MYO10: variants seen among roughly 807,000 people sequenced by gnomAD.
MYO10 encodes the protein myosin X.
Under a neutral mutation model 257.3 loss-of-function variants are expected in MYO10, and 133 were observed. The ratio of observed to expected loss-of-function variants is 0.52; its 90% confidence interval spans 0.45 to 0.60. The LOEUF is 0.60. Among genes scored for constraint, MYO10 ranks in the 20% least tolerant of loss-of-function variants. The pLI is 0.00. For synonymous variants in MYO10, 1,104 were observed against 1,028.6 expected, an observed-to-expected ratio of 1.07 and a Z score of -1.40; for missense variants, 2,399 against 2,635.7, an observed-to-expected ratio of 0.91 and a Z score of 1.97.
At chr5:16,889,598 A>T (rs1357024957) in intron 1 of MYO10, among the ~76,000 whole-genome samples, 1 of 151,714 alleles carries the variant, frequency 6.6e-6, no homozygotes, top group Non-Finnish European at 1.5e-5. Flanking sequence ...GCCAAGAAAG[A>T]CAAGTAAGTA....
At chr5:16,798,376 T>C (rs570150467) in intron 3 of MYO10, among the ~76,000 whole-genome samples, 4 of 152,346 alleles carry the variant, frequency 2.6e-5, no homozygotes, top group East Asian at 3.9e-4. Flanking sequence ...CTGGTGCTTT[T>C]ATGAGTAAAT....
intron 1 of MYO10, among the ~76,000 whole-genome samples, chr5:16,924,292 C>T (rs899921259): frequency 1.3e-5 from 2 of 152,114 alleles, no homozygotes; most frequent in African/African-American, 2.4e-5. Context: ...TCCTGGTTCA[C>T]AGAAGACCTA....
Position 16,776,989 on chromosome 5 carries a change from C to CT in MYO10, c.930+2555dup, listed in dbSNP as rs367587993. ...AATAGGAAAAAAGCCAGAGACAAGT[C>CT]TTTTTTTTTTGCCCTGCTCCTCAAA... On this transcript the variant is annotated intron_variant, in intron 9 of 40. Coordinates refer to ENST00000513610, the MANE Select transcript of MYO10 (RefSeq NM_012334.3). 7.4e-3 allele frequency among the ~76,000 whole-genome samples: 1,094 copies of CT among 147,972 alleles called. 11 individuals are homozygous for CT. Among genetic ancestry groups the CT allele is most frequent in the African/African-American group, 0.025 (1,027 of 40,444 alleles).
At position 16,683,944 on chromosome 5, in the gene MYO10, GAACA is replaced by G. The variant is rs781625811; in HGVS notation, c.3991-13_3991-10del. 1.2e-6 allele frequency: 2 copies of G among 1,612,588 alleles called. No individual in the cohort carries two copies. The highest frequency in any genetic ancestry group is 1.7e-6 in the Non-Finnish European group (2 of 1,179,320). Reference sequence around the variant, plus strand: ...CCCACATCCAAGGTGCCCTGGAAAAGAACAAAAAGTAAACAGAATGAGAGAAGCA... The same window carrying G: ...CCCACATCCAAGGTGCCCTGGAAAAGAAAAGTAAACAGAATGAGAGAAGCA... On this transcript the variant is annotated splice_polypyrimidine_tract_variant and intron_variant, in intron 29 of 40. Coordinates refer to ENST00000513610, the MANE Select transcript of MYO10 (RefSeq NM_012334.3).
At chr5:16,815,596 C>A in intron 3 of MYO10, 1 of 618,772 alleles carries the variant, frequency 1.6e-6, no homozygotes. Context: ...TGGCAGTGTC[C>A]TTGGTTCCAG....
chr5:16,821,951 G>A (rs1234784044), intron 2 of MYO10, among the ~76,000 whole-genome samples: 1 of 149,564 alleles, frequency 6.7e-6, no homozygotes, highest in Non-Finnish European at 1.5e-5. Flanking sequence ...TCAAGATACA[G>A]GATTGCAGCT....
At chr5:16,836,541 T>C (rs1743318234) in intron 2 of MYO10, among the ~76,000 whole-genome samples, 2 of 152,222 alleles carry the variant, frequency 1.3e-5, no homozygotes, top group African/African-American at 4.8e-5. Flanking sequence ...GATGAAAATA[T>C]GACGGACATG....
At chr5:16,682,605 T>C (rs1411399969) in intron 30 of MYO10, among the ~76,000 whole-genome samples, 1 of 152,168 alleles carries the variant, frequency 6.6e-6, no homozygotes, top group Admixed American at 6.5e-5. Context: ...ACCTCTCTCA[T>C]AGGCCCTTGC....
chr5:16,827,307 A>T (rs1743029725), intron 2 of MYO10, among the ~76,000 whole-genome samples: 1 of 152,022 alleles, frequency 6.6e-6, no homozygotes, highest in Admixed American at 6.6e-5. Context: ...TTTTTTGGAG[A>T]CGGAGTCTCA....
At chr5:16,801,553 ACT>A (rs1435024379) in intron 3 of MYO10, among the ~76,000 whole-genome samples, 1 of 151,776 alleles carries the variant, frequency 6.6e-6, no homozygotes, top group Non-Finnish European at 1.5e-5. Flanking sequence ...TTCCAACATG[ACT>A]CTGTAAGAAT....
intron 1 of MYO10, among the ~76,000 whole-genome samples, chr5:16,932,263 G>A (rs144028342): frequency 5.9e-5 from 9 of 152,074 alleles, no homozygotes; most frequent in East Asian, 1.9e-4. Flanking sequence ...ATAATCCTCC[G>A]AGATCTTGTA....
chr5:16,699,416 C>T (rs766271692), intron 26 of MYO10, 34 bp downstream of exon 26: 1 of 1,609,248 alleles, frequency 6.2e-7, no homozygotes, highest in Admixed American at 1.7e-5. Flanking sequence ...TCGCTCTCCC[C>T]CTAACCCAGA....
At chr5:16,873,305 G>A (rs1489855868) in intron 2 of MYO10, among the ~76,000 whole-genome samples, 1 of 152,212 alleles carries the variant, frequency 6.6e-6, no homozygotes, top group Non-Finnish European at 1.5e-5. Context: ...TTGACTCCAG[G>A]TCTCACATCC....
chr5:16,923,863 A>C (rs981009137), intron 1 of MYO10, among the ~76,000 whole-genome samples: 20 of 152,228 alleles, frequency 1.3e-4, no homozygotes, highest in Non-Finnish European at 2.9e-5. Context: ...GCCAAAGGGG[A>C]AGAATCCCTT....
intron 9 of MYO10, among the ~76,000 whole-genome samples, chr5:16,770,867 C>G (rs992485109): frequency 1.3e-5 from 2 of 152,222 alleles, no homozygotes; most frequent in Non-Finnish European, 2.9e-5. Flanking sequence ...CTCCCAGGTT[C>G]AAGCGATTCT....
In MYO10 at chr5:16,779,536, G is replaced by C. The variant is rs761257375; in HGVS notation, c.930+9C>G. 4 of 1,493,976 alleles carry C rather than the reference G, an allele frequency of 2.7e-6. No homozygotes were observed. Among genetic ancestry groups the C allele is most frequent in the Non-Finnish European group, 3.6e-6 (4 of 1,101,674 alleles). 92.5% of individuals were successfully genotyped at this position (1,493,976 alleles called of 1,614,324 possible). A position where few individuals can be genotyped will look rare whatever the true frequency, so the allele number is the denominator to read the frequency against. On this transcript the variant is annotated intron_variant, in intron 9 of 40. Transcript: ENST00000513610. ...ATCTTAATAGGGAAAACATTTAAAAGTAACTTACAATAACTTCCCTAAAGG... is the reference window on the plus strand; with the variant it reads ...ATCTTAATAGGGAAAACATTTAAAACTAACTTACAATAACTTCCCTAAAGG...
At position 16,717,614 on chromosome 5, in the gene MYO10, T is replaced by C. The variant is rs150212525; in HGVS notation, c.1930-6369A>G. Among the ~76,000 whole-genome samples the C allele has an allele frequency of 5.3e-3, 805 of 152,318 alleles. 11 individuals carry two copies. The highest frequency in any genetic ancestry group is 0.019 in the African/African-American group (773 of 41,564). On this transcript the variant is annotated intron_variant, in intron 19 of 40. Coordinates refer to ENST00000513610, the MANE Select transcript of MYO10 (RefSeq NM_012334.3). ...AAAGAAGAGCTTTTAGAAAATCAAATTGCAAACTGAGCAAATCCAACTCTG... is the reference window on the plus strand; with the variant it reads ...AAAGAAGAGCTTTTAGAAAATCAAACTGCAAACTGAGCAAATCCAACTCTG...
chr5:16,887,321 A>T (rs1483915360), intron 1 of MYO10, among the ~76,000 whole-genome samples: 1 of 152,250 alleles, frequency 6.6e-6, no homozygotes, highest in Non-Finnish European at 1.5e-5. Context: ...TCAATGTTCC[A>T]AAGGAAAAGA....
chr5:16,702,958 T>C lies in MYO10; in HGVS notation c.2477A>G (p.Glu826Gly), dbSNP rs867258861. The C allele has an allele frequency of 2.8e-5, 44 of 1,551,918 alleles. No individual in the cohort carries two copies. The Middle Eastern group carries it at 4.2e-3, about 147-fold the overall frequency. ...REQEEKKKQE[E>G]EEKKKREEEE... ...TTCCTCCCGTTTCTTCTTTTCTTCC[T>C]CTTCCTGTTTCTTCTTTTCTTCTTG... Residue 826 changes from glutamate (E) to glycine (G), a missense_variant, in exon 23 of 41, where the codon GAG becomes GGG. Transcript: ENST00000513610.
Sources: gnomAD v4.1 joint callset for allele counts (sites outside exome capture counted in the v4.1 genomes callset) on GRCh38, gnomAD v4.1.1 for gene constraint, MANE v1.5 for transcripts, NCBI Gene and HGNC (gene_info 2026-07-23, HGNC 2026-07-21) for gene names.